PDE7B: variants seen among roughly 807,000 people sequenced by gnomAD.
The protein encoded by PDE7B is phosphodiesterase 7B.
PDE7B carries 29 observed loss-of-function variants against 56.2 expected under a neutral mutation model. The observed-to-expected ratio is 0.52, with a 90% CI of 0.38 to 0.70. The LOEUF (loss-of-function observed/expected upper bound fraction) is 0.70. Among genes scored for constraint, PDE7B ranks in the 30% least tolerant of loss-of-function variants. PDE7B has a pLI of 0.00. For synonymous variants in PDE7B, 197 were observed against 196.9 expected, an observed-to-expected ratio of 1.00 and a Z score of 0.00; for missense variants, 490 against 565.0, an observed-to-expected ratio of 0.87 and a Z score of 1.35.
intron 2 of PDE7B, among the ~76,000 whole-genome samples, chr6:136,068,468 T>C (rs901840895): frequency 1.5e-5 from 2 of 134,566 alleles, no homozygotes; most frequent in Non-Finnish European, 3.1e-5. Context: ...TCTCGCTCTG[T>C]CTCCCAGGCT....
At chr6:135,891,112 C>T (rs533376663) in intron 1 of PDE7B, among the ~76,000 whole-genome samples, 1 of 152,298 alleles carries the variant, frequency 6.6e-6, no homozygotes, top group African/African-American at 2.4e-5. Context: ...GCTGCATTTA[C>T]AGGCGCAATA....
chr6:135,873,707 T>G (rs2128187236), intron 1 of PDE7B, among the ~76,000 whole-genome samples: 1 of 152,316 alleles, frequency 6.6e-6, no homozygotes. Context: ...TTGATAATTT[T>G]TAACTTATAA....
intron 1 of PDE7B, among the ~76,000 whole-genome samples, chr6:135,881,150 A>G (rs1775602409): frequency 6.6e-6 from 1 of 151,994 alleles, no homozygotes; most frequent in East Asian, 1.9e-4. Context: ...ATGAGGCTAC[A>G]TGGGAGCATA....
At chr6:136,121,058 G>A (rs879918118) in intron 3 of PDE7B, among the ~76,000 whole-genome samples, 5 of 152,110 alleles carry the variant, frequency 3.3e-5, no homozygotes, top group Non-Finnish European at 5.9e-5. Flanking sequence ...TATAAGGAAG[G>A]TCTAGCAGTG....
chr6:136,016,404 G>A (rs113663105), intron 2 of PDE7B, among the ~76,000 whole-genome samples: 1,743 of 152,294 alleles, frequency 0.011, 40 homozygotes, highest in African/African-American at 0.039. Flanking sequence ...AGCCAGGTAC[G>A]TCTGAAGGAC....
At chr6:136,054,747 G>A (rs1412574811) in intron 2 of PDE7B, among the ~76,000 whole-genome samples, 5 of 152,240 alleles carry the variant, frequency 3.3e-5, no homozygotes, top group Admixed American at 1.3e-4. Flanking sequence ...GTGGTTTGTA[G>A]TTCTCCTTGA....
intron 11 of PDE7B, 107 bp downstream of exon 11, chr6:136,181,430 C>A: frequency 1.4e-6 from 1 of 740,030 alleles, no homozygotes; most frequent in South Asian, 1.6e-5. Context: ...GTTCTCTCAT[C>A]AACTCTTGTT....
chr6:136,104,075 C>CGTCAG (rs1172987955), intron 2 of PDE7B, among the ~76,000 whole-genome samples: 1 of 152,190 alleles, frequency 6.6e-6, no homozygotes. Context: ...GAGGGGCTGT[C>CGTCAG]GTCAGGTCAG....
chr6:135,909,993 A>T (rs1289169784), intron 1 of PDE7B, among the ~76,000 whole-genome samples: 2 of 152,162 alleles, frequency 1.3e-5, no homozygotes, highest in Non-Finnish European at 2.9e-5. Context: ...TTTGCAAGAG[A>T]CTGTTCCTGT....
chr6:135,908,262 A>ATT (rs111578063), intron 1 of PDE7B, among the ~76,000 whole-genome samples: 17 of 148,170 alleles, frequency 1.1e-4, no homozygotes, highest in Admixed American at 8.8e-4. Context: ...CTAATTTTGT[A>ATT]TTTTTTTTTT....
intron 2 of PDE7B, among the ~76,000 whole-genome samples, chr6:136,054,609 G>A (rs966202920): frequency 5.3e-5 from 8 of 152,280 alleles, no homozygotes; most frequent in South Asian, 2.1e-4. Context: ...TTGGTAGCTC[G>A]ATGCGGATGG....
At chr6:136,037,657 C>T (rs1240025106) in intron 2 of PDE7B, 1 of 985,420 alleles carries the variant, frequency 1.0e-6, no homozygotes, top group Non-Finnish European at 1.2e-6. Flanking sequence ...TGAGCCTGTA[C>T]CACAGGGGTG....
At chr6:136,174,401 C>A (rs1778944472) in intron 9 of PDE7B, among the ~76,000 whole-genome samples, 1 of 152,088 alleles carries the variant, frequency 6.6e-6, no homozygotes, top group African/African-American at 2.4e-5. Context: ...AATTAATTTA[C>A]CTTACGTCTC....
intron 3 of PDE7B, among the ~76,000 whole-genome samples, chr6:136,116,484 C>G (rs1777833211): frequency 6.6e-6 from 1 of 152,202 alleles, no homozygotes; most frequent in Non-Finnish European, 1.5e-5. Context: ...AGGCTGCAGA[C>G]TGTGATGGCT....
chr6:136,065,594 T>C (rs1776921154), intron 2 of PDE7B, among the ~76,000 whole-genome samples: 1 of 152,154 alleles, frequency 6.6e-6, no homozygotes, highest in Non-Finnish European at 1.5e-5. Flanking sequence ...CCCTTCCATA[T>C]ACCCTGAAGC....
At chr6:136,144,288 C>T (rs1443854962) in intron 3 of PDE7B, among the ~76,000 whole-genome samples, 2 of 152,094 alleles carry the variant, frequency 1.3e-5, no homozygotes, top group Non-Finnish European at 2.9e-5. Flanking sequence ...CTCATATACT[C>T]TTTCTCTATA....
intron 2 of PDE7B, among the ~76,000 whole-genome samples, chr6:136,040,076 T>A (rs1044153176): frequency 2.0e-5 from 3 of 152,162 alleles, no homozygotes; most frequent in African/African-American, 7.2e-5. Context: ...TGTAGCTTCT[T>A]ATTACTTAAA....
intron 3 of PDE7B, among the ~76,000 whole-genome samples, chr6:136,122,018 C>T (rs1015300617): frequency 6.6e-6 from 1 of 151,266 alleles, no homozygotes; most frequent in Non-Finnish European, 1.5e-5. Context: ...TTTTTTGAGA[C>T]GGAGTCTTGC....
chr6:136,011,329 G>A (rs903910153), intron 2 of PDE7B, among the ~76,000 whole-genome samples: 39 of 152,144 alleles, frequency 2.6e-4, no homozygotes, highest in African/African-American at 9.4e-4. Context: ...CCCTTCTCAA[G>A]TGAATATAAA....
Sources: gnomAD v4.1 joint callset for allele counts (sites outside exome capture counted in the v4.1 genomes callset) on GRCh38, gnomAD v4.1.1 for gene constraint, MANE v1.5 for transcripts, NCBI Gene and HGNC (gene_info 2026-07-23, HGNC 2026-07-21) for gene names.